CCL28: variants seen among roughly 807,000 people sequenced by gnomAD.
CCL28 encodes the protein C-C motif chemokine 28.
Under a neutral mutation model 7.1 loss-of-function variants are expected in CCL28, and 4 were observed. The ratio of observed to expected loss-of-function variants is 0.56; its 90% confidence interval spans 0.28 to 1.29. CCL28 has a LOEUF of 1.29. Ranked by LOEUF, CCL28 falls within the 50% of genes most tolerant of loss-of-function variation. The pLI is 0.11. For synonymous variants in CCL28, 55 were observed against 57.8 expected (o/e 0.95, Z 0.22); for missense variants, 151 against 163.4 (o/e 0.92, Z 0.41).
At chr5:43,369,951 A>C in the CCL28 span, among the ~76,000 whole-genome samples, 2 of 152,248 alleles carry the variant, frequency 1.3e-5, no homozygotes, top group African/African-American at 2.4e-5. Context: ...GTATGGGAAG[A>C]GACCACATGG....
chr5:43,412,293 G>T lies in CCL28; in HGVS notation c.24C>A (p.Ile8=). MQQRGLA[I]VALAVCAALH... ...GGGCCGCACAGACAGCCAAGGCCACGATGGCGAGTCCTCTCTGCTGCATTC... is the reference window on the plus strand; with the variant it reads ...GGGCCGCACAGACAGCCAAGGCCACTATGGCGAGTCCTCTCTGCTGCATTC... The change falls in exon 1 of 3, where the codon ATC becomes ATA. Residue 8 remains isoleucine, a synonymous_variant. Coordinates refer to ENST00000361115, the MANE Select transcript of CCL28 (RefSeq NM_148672.3). 6.2e-7 allele frequency: 1 copy of T among 1,612,980 alleles called. No individual in the cohort carries two copies. The highest frequency in any genetic ancestry group is 1.1e-5 in the South Asian group (1 of 90,738).
chr5:43,374,812 C>T (rs2111646514), downstream of CCL28, among the ~76,000 whole-genome samples: 1 of 150,390 alleles, frequency 6.6e-6, no homozygotes, highest in East Asian at 2.0e-4. Flanking sequence ...TCAGATCTCA[C>T]AGGGATGCGT....
At chr5:43,377,757 G>A (rs1433869281), downstream of CCL28, among the ~76,000 whole-genome samples, 2 of 39,588 alleles carry the variant, frequency 5.1e-5, no homozygotes, top group African/African-American at 1.6e-4. Flanking sequence ...TTTTGAGACG[G>A]AGTCTCGCTC....
Position 43,381,754 on chromosome 5 carries a change from T to C in CCL28, c.*106A>G. ...TCATTTTTTAAAAACCAATATTTTGTTTTGTTCTGTTGTCTACAATAAGGA... is the reference window on the plus strand; with the variant it reads ...TCATTTTTTAAAAACCAATATTTTGCTTTGTTCTGTTGTCTACAATAAGGA... On this transcript the variant is annotated 3_prime_UTR_variant, in exon 3 of 3. Coordinates refer to ENST00000361115, the MANE Select transcript of CCL28 (RefSeq NM_148672.3). The C allele has an allele frequency of 1.1e-6, 1 of 945,698 alleles. No individual in the cohort carries two copies. The highest frequency in any genetic ancestry group is 2.3e-4 in the Middle Eastern group (1 of 4,416). 58.6% of individuals were successfully genotyped at this position (945,698 alleles called of 1,614,324 possible). A position where few individuals can be genotyped will look rare whatever the true frequency, so the allele number is the denominator to read the frequency against.
intron 1 of CCL28, among the ~76,000 whole-genome samples, chr5:43,390,264 G>T (rs1387077562): frequency 1.3e-5 from 2 of 152,192 alleles, no homozygotes; most frequent in Admixed American, 6.5e-5. Context: ...TTATGTTCCA[G>T]AATTGGAGTT....
chr5:43,402,210 T>C (rs1741066300), intron 1 of CCL28, among the ~76,000 whole-genome samples: 1 of 152,220 alleles, frequency 6.6e-6, no homozygotes. Flanking sequence ...GTTTTAGCCC[T>C]TGGAATATCT....
chr5:43,396,332 C>A (rs142199691), intron 1 of CCL28, among the ~76,000 whole-genome samples: 379 of 152,254 alleles, frequency 2.5e-3, no homozygotes, highest in African/African-American at 8.6e-3. Flanking sequence ...TCACTGCAAC[C>A]TGTTTTATTA....
chr5:43,373,770 A>G (rs989875521), downstream of CCL28, among the ~76,000 whole-genome samples: 3 of 152,108 alleles, frequency 2.0e-5, no homozygotes, highest in Non-Finnish European at 2.9e-5. Context: ...AGATTGTGCC[A>G]TTTGTCTTCA....
chr5:43,393,995 A>C (rs1162904991), intron 1 of CCL28, among the ~76,000 whole-genome samples: 1 of 152,180 alleles, frequency 6.6e-6, no homozygotes, highest in African/African-American at 2.4e-5. Context: ...ATGCTTGTAA[A>C]TGTGTTAATG....
intron 1 of CCL28, among the ~76,000 whole-genome samples, chr5:43,403,714 G>C (rs1289475111): frequency 6.6e-6 from 1 of 152,202 alleles, no homozygotes; most frequent in Non-Finnish European, 1.5e-5. Context: ...ACTACTCCGA[G>C]CTAAAGGAGG....
chr5:43,377,691 C>CACAGAAGT (rs1401662130), downstream of CCL28, among the ~76,000 whole-genome samples: 1 of 128,324 alleles, frequency 7.8e-6, no homozygotes, highest in Non-Finnish European at 1.6e-5. Context: ...CATTTGAAAT[C>CACAGAAGT]ACAGAAGTAA....
At chr5:43,367,531 C>T in the CCL28 span, among the ~76,000 whole-genome samples, 3 of 152,246 alleles carry the variant, frequency 2.0e-5, no homozygotes, top group African/African-American at 7.2e-5. Flanking sequence ...GGATGCCCCA[C>T]CCTGCTTTGG....
downstream of CCL28, among the ~76,000 whole-genome samples, chr5:43,375,612 A>G (rs950929520): frequency 1.3e-5 from 2 of 152,118 alleles, no homozygotes; most frequent in African/African-American, 4.8e-5. Flanking sequence ...TTACTTAAAA[A>G]TCTTAGAACT....
chr5:43,367,819 T>C, the CCL28 span, among the ~76,000 whole-genome samples: 1 of 152,260 alleles, frequency 6.6e-6, no homozygotes, highest in Non-Finnish European at 1.5e-5. Flanking sequence ...TTTGGCTATC[T>C]TGCCCGCAAC....
chr5:43,382,860 C>T (rs1740178183), intron 2 of CCL28, among the ~76,000 whole-genome samples: 1 of 151,602 alleles, frequency 6.6e-6, no homozygotes, highest in African/African-American at 2.4e-5. Flanking sequence ...CTCTTGTCAC[C>T]CAGGCTGGAG....
At chr5:43,367,223 C>T in the CCL28 span, among the ~76,000 whole-genome samples, 1 of 152,172 alleles carries the variant, frequency 6.6e-6, no homozygotes, top group South Asian at 2.1e-4. Flanking sequence ...CCTCAGCCCC[C>T]TTTCCAGGGT....
At chr5:43,391,127 T>C (rs113021898) in intron 1 of CCL28, among the ~76,000 whole-genome samples, 12 of 152,284 alleles carry the variant, frequency 7.9e-5, no homozygotes, top group African/African-American at 2.6e-4. Flanking sequence ...AACAGAATGG[T>C]ATCTGGAACA....
At chr5:43,407,993 G>C (rs1473293318) in intron 1 of CCL28, among the ~76,000 whole-genome samples, 3 of 152,194 alleles carry the variant, frequency 2.0e-5, no homozygotes, top group Non-Finnish European at 4.4e-5. Flanking sequence ...GGAAACAACA[G>C]GTGCTGGAGA....
At chr5:43,407,248 C>A (rs1484752224) in intron 1 of CCL28, among the ~76,000 whole-genome samples, 1 of 152,178 alleles carries the variant, frequency 6.6e-6, no homozygotes, top group Non-Finnish European at 1.5e-5. Flanking sequence ...AACTATACTA[C>A]AAGGCTACAG....
Sources: allele counts gnomAD v4.1 joint callset (sites outside exome capture counted in the v4.1 genomes callset), GRCh38; gene constraint gnomAD v4.1.1; transcripts MANE v1.5; gene names NCBI Gene and HGNC (gene_info 2026-07-23, HGNC 2026-07-21).